TMEM232: variants seen among roughly 807,000 people sequenced by gnomAD.
TMEM232 encodes transmembrane protein 232.
In TMEM232, 80 loss-of-function variants were observed where a neutral mutation model predicts 78.8. The ratio of observed to expected loss-of-function variants is 1.01; its 90% CI spans 0.85 to 1.22. The LOEUF (loss-of-function observed/expected upper bound fraction) is 1.22. Among genes scored for constraint, TMEM232 ranks in the 50% most tolerant of loss-of-function variants. TMEM232 has a pLI of 0.00. For synonymous variants in TMEM232, 297 were observed against 254.3 expected, an observed-to-expected ratio of 1.17 and a Z score of -1.60; for missense variants, 881 against 742.2, an observed-to-expected ratio of 1.19 and a Z score of -2.17.
intron 1 of TMEM232, among the ~76,000 whole-genome samples, chr5:110,718,427 G>T (rs901622568): frequency 6.6e-6 from 1 of 152,030 alleles, no homozygotes; most frequent in African/African-American, 2.4e-5. Context: ...TATGTTCTTT[G>T]TATGTGATGA....
At position 110,672,350 on chromosome 5, in the gene TMEM232, T is replaced by C. The variant is rs541421643; in HGVS notation, c.-12-4986A>G. 7.6e-4 allele frequency among the ~76,000 whole-genome samples: 115 copies of C among 152,262 alleles called. 1 individual carries two copies. In the South Asian group the frequency reaches 0.013, roughly 18 times the overall value. On this transcript the variant is annotated intron_variant, in intron 1 of 13. Transcript: ENST00000455884. ...TTCTCCAGTGGGATGGAATAAAACA[T>C]CAAAAATACAAGTTTCTAAATGCTT...
At chr5:110,622,182 C>A (rs1298705979) in intron 7 of TMEM232, among the ~76,000 whole-genome samples, 2 of 152,076 alleles carry the variant, frequency 1.3e-5, no homozygotes, top group Non-Finnish European at 2.9e-5. Context: ...CTAATAATTC[C>A]TAGTAACCAT....
At chr5:110,549,448 C>G (rs895819534) in intron 11 of TMEM232, among the ~76,000 whole-genome samples, 17 of 151,514 alleles carry the variant, frequency 1.1e-4, no homozygotes, top group Admixed American at 9.9e-4. Context: ...GATCCAATCT[C>G]TACAAAAAGT....
chr5:110,624,955 AT>A (rs1189697285), intron 7 of TMEM232, among the ~76,000 whole-genome samples: 2 of 152,122 alleles, frequency 1.3e-5, no homozygotes, highest in African/African-American at 2.4e-5. Context: ...TAACAAAAAA[AT>A]AAAAGAAGTT....
In TMEM232 at chr5:110,586,129, G is replaced by A. The variant is rs930302793; in HGVS notation, c.1277-17504C>T. ...TGGCCATCTAGCAAGTTTAGAAACCGCAGTAAAGGCATGTCAATAGTAACA... is the reference window on the plus strand; with the variant it reads ...TGGCCATCTAGCAAGTTTAGAAACCACAGTAAAGGCATGTCAATAGTAACA... On this transcript the variant is annotated intron_variant, in intron 10 of 13. Transcript: ENST00000455884. Among the ~76,000 whole-genome samples, 7 of 152,012 alleles carry A rather than the reference G, an allele frequency of 4.6e-5. No homozygotes were observed. The South Asian group carries it at 6.2e-4, about 14-fold the overall frequency.
At chr5:110,552,429 A>G (rs1223479608) in intron 11 of TMEM232, among the ~76,000 whole-genome samples, 2 of 152,114 alleles carry the variant, frequency 1.3e-5, no homozygotes, top group Non-Finnish European at 2.9e-5. Context: ...ATGTAAATAT[A>G]CAAGTAAAAG....
intron 12 of TMEM232, among the ~76,000 whole-genome samples, chr5:110,523,956 A>AC (rs1769956072): frequency 1.6e-5 from 1 of 63,440 alleles, no homozygotes; most frequent in African/African-American, 6.7e-5. Flanking sequence ...CTTGGTTTAA[A>AC]AAAAAAAAAA....
In TMEM232 at chr5:110,594,342, C is replaced by G. The variant is rs553574440; in HGVS notation, c.1276+10767G>C. On this transcript the variant is annotated intron_variant, in intron 10 of 13. Transcript: ENST00000455884. ...AGGAGATTCCCTCCTGTGCCTATACCACCAGGGCCCCAGGTTTCAGGCACA... is the reference window on the plus strand; with the variant it reads ...AGGAGATTCCCTCCTGTGCCTATACGACCAGGGCCCCAGGTTTCAGGCACA... Among the ~76,000 whole-genome samples the G allele has an allele frequency of 4.9e-3, 742 of 152,234 alleles. 4 individuals are homozygous for G. Among genetic ancestry groups the G allele is most frequent in the South Asian group, 8.3e-3 (40 of 4,822 alleles).
At chr5:110,659,944 C>T (rs1789568392) in intron 2 of TMEM232, among the ~76,000 whole-genome samples, 1 of 151,850 alleles carries the variant, frequency 6.6e-6, no homozygotes, top group East Asian at 1.9e-4. Context: ...TGATCTCATA[C>T]ACATTTATTC....
chr5:110,641,616 T>C (rs1342683082), intron 3 of TMEM232, among the ~76,000 whole-genome samples: 7 of 152,192 alleles, frequency 4.6e-5, no homozygotes, highest in East Asian at 1.9e-4. Context: ...TGGGCAGCCA[T>C]GAACTGGAAA....
chr5:110,509,370 GA>G (rs1251227504), intron 12 of TMEM232, among the ~76,000 whole-genome samples: 1 of 152,112 alleles, frequency 6.6e-6, no homozygotes, highest in East Asian at 1.9e-4. Flanking sequence ...CCAGGAGTTT[GA>G]GTCTGCTGAG....
At chr5:110,648,055 C>T (rs1787762749) in intron 2 of TMEM232, among the ~76,000 whole-genome samples, 1 of 151,788 alleles carries the variant, frequency 6.6e-6, no homozygotes, top group South Asian at 2.1e-4. Flanking sequence ...GACTCATATA[C>T]AGAAGATACA....
chr5:110,614,870 T>A (rs1782733463), intron 8 of TMEM232, among the ~76,000 whole-genome samples: 1 of 152,046 alleles, frequency 6.6e-6, no homozygotes, highest in Non-Finnish European at 1.5e-5. Context: ...TTTGCACCAA[T>A]GAGAACCTCT....
intron 1 of TMEM232, among the ~76,000 whole-genome samples, chr5:110,690,235 C>T (rs191924754): frequency 1.3e-5 from 2 of 152,226 alleles, no homozygotes; most frequent in East Asian, 3.9e-4. Flanking sequence ...TCAGTCTATC[C>T]ATCTGACAAA....
chr5:110,490,121 A>ACAAGAAAG (rs1554089359), intron 12 of TMEM232, among the ~76,000 whole-genome samples: 1 of 110,478 alleles, frequency 9.1e-6, no homozygotes, highest in Admixed American at 1.1e-4. Context: ...CTCCGTTTCA[A>ACAAGAAAG]AAAGAAAGAA....
rs151266171 is a variant in TMEM232, at chr5:110,607,704, T to C, written c.903-1417A>G. Reference sequence around the variant, plus strand: ...TAGCCATACAGTGCAGATTGGTTAATGAGCTAGAAAAGGAAGCATATTATG... The same window carrying C: ...TAGCCATACAGTGCAGATTGGTTAACGAGCTAGAAAAGGAAGCATATTATG... On this transcript the variant is annotated intron_variant, in intron 8 of 13. Coordinates refer to ENST00000455884, the MANE Select transcript of TMEM232 (RefSeq NM_001039763.4). Among the ~76,000 whole-genome samples, 1,411 of 152,134 alleles carry C rather than the reference T, an allele frequency of 9.3e-3. 8 individuals are homozygous for C. The highest frequency in any genetic ancestry group is 0.051 in the Middle Eastern group (15 of 294).
At chr5:110,723,309 T>C (rs1353821683) in intron 1 of TMEM232, among the ~76,000 whole-genome samples, 1 of 152,228 alleles carries the variant, frequency 6.6e-6, no homozygotes, top group Admixed American at 6.5e-5. Context: ...GAAGTCTATG[T>C]GTTCAATCAG....
intron 11 of TMEM232, among the ~76,000 whole-genome samples, chr5:110,544,438 TATCA>T (rs1773526675): frequency 1.1e-5 from 1 of 87,612 alleles, no homozygotes. Context: ...AATACACACA[TATCA>T]AAAAAAAAAA....
chr5:110,662,366 CTAAA>C (rs1232803892), intron 2 of TMEM232, among the ~76,000 whole-genome samples: 2 of 151,876 alleles, frequency 1.3e-5, no homozygotes, highest in Non-Finnish European at 2.9e-5. Flanking sequence ...TCATAAATAA[CTAAA>C]TAAATGAAGA....
Sources: allele counts gnomAD v4.1 joint callset (sites outside exome capture counted in the v4.1 genomes callset), GRCh38; gene constraint gnomAD v4.1.1; transcripts MANE v1.5; gene names NCBI Gene and HGNC (gene_info 2026-07-23, HGNC 2026-07-21).